Variants in DNAH5 observed in about 807,000 individuals in gnomAD.
The protein encoded by DNAH5 is axonemal beta dynein heavy chain 5.
A neutral mutation model predicts 518.2 loss-of-function variants in DNAH5; 372 were observed. That is an observed-to-expected ratio of 0.72 (90% CI 0.66 to 0.78). The LOEUF is 0.78. Among genes scored for constraint, DNAH5 ranks in the 30% least tolerant of loss-of-function variants. The pLI, the probability that DNAH5 is intolerant of heterozygous loss-of-function variation, is 0.00. For missense variants in DNAH5, 5,523 were observed against 5,687.0 expected (o/e 0.97, Z 0.93); for synonymous variants, 2,039 against 2,025.9 (o/e 1.01, Z -0.17).
Position 13,776,494 on chromosome 5 carries a change from A to G in DNAH5, c.9318T>C (p.Ile3106=). The G allele has an allele frequency of 6.2e-7, 1 of 1,613,852 alleles. No homozygotes were observed. Among genetic ancestry groups the G allele is most frequent in the Admixed American group, 1.7e-5 (1 of 59,990 alleles). Residue 3106 remains isoleucine, a synonymous_variant, in exon 55 of 79, where the codon ATT becomes ATC. Transcript: ENST00000265104. The part of the protein sequence containing the change: ...RNRALKFPAL[I]SGCTIDWFSR... The stretch of plus-strand genomic sequence containing the variant: ...TGAACCAGTCAATTGTGCATCCTGA[A>G]ATTAGGGCAGGGAACTTCAAAGCTC...
At position 13,707,080 on chromosome 5, in the gene DNAH5, T is replaced by G. The variant is rs1046284250; in HGVS notation, c.13338+1043A>C. ...CATAGCGGGCACACACACAAGTGGC[T>G]GGATGTTGAGAGGAGTAGAAGCGCA... On this transcript the variant is annotated intron_variant, in intron 76 of 78. Coordinates refer to ENST00000265104, the MANE Select transcript of DNAH5 (RefSeq NM_001369.3). The surrounding 1 kb of genome is among the most constrained non-coding windows in gnomAD (Gnocchi z 4.0). 6.6e-6 allele frequency among the ~76,000 whole-genome samples: 1 copy of G among 152,172 alleles called. No homozygotes were observed. The highest frequency in any genetic ancestry group is 1.5e-5 in the Non-Finnish European group (1 of 68,032).
chr5:13,804,506 G>A (rs1759269061), intron 47 of DNAH5, among the ~76,000 whole-genome samples: 2 of 152,220 alleles, frequency 1.3e-5, no homozygotes, highest in African/African-American at 4.8e-5. Flanking sequence ...ATGAATGACT[G>A]AAAATTACAG....
intron 2 of DNAH5, among the ~76,000 whole-genome samples, chr5:13,928,555 C>T: frequency 6.6e-6 from 1 of 152,176 alleles, no homozygotes; most frequent in East Asian, 1.9e-4. Context: ...CTTAGTCTAA[C>T]ACTCTAGAGA....
chr5:13,825,185 A>T (rs546240962), intron 38 of DNAH5, among the ~76,000 whole-genome samples: 28 of 152,090 alleles, frequency 1.8e-4, no homozygotes, highest in African/African-American at 6.7e-4. Context: ...CTACCAAAAA[A>T]TTACAAAAAT....
intron 47 of DNAH5, among the ~76,000 whole-genome samples, chr5:13,804,994 T>C (rs1759357141): frequency 6.6e-6 from 1 of 152,144 alleles, no homozygotes; most frequent in African/African-American, 2.4e-5. Context: ...CCTCATTGCA[T>C]AATAAAAGAT....
Position 13,708,338 on chromosome 5 carries a change from G to C in DNAH5, c.13126-3C>G. 1.2e-6 allele frequency: 2 copies of C among 1,613,604 alleles called. No homozygotes were observed. Among genetic ancestry groups the C allele is most frequent in the Non-Finnish European group, 1.7e-6 (2 of 1,179,854 alleles). On this transcript the variant is annotated splice_polypyrimidine_tract_variant and splice_region_variant and intron_variant, in intron 75 of 78. Transcript: ENST00000265104. ...ATCTTCTGCAGCCTCTCTTTTACCT[G>C]CCATGGAGACATTCAAAGCACATGT...
At chr5:13,979,784 T>C (rs1410368532) in intron 1 of DNAH5, among the ~76,000 whole-genome samples, 1 of 152,114 alleles carries the variant, frequency 6.6e-6, no homozygotes, top group East Asian at 1.9e-4. Flanking sequence ...GCAAAGTTTG[T>C]TTGGTTTTTT....
intron 44 of DNAH5, among the ~76,000 whole-genome samples, chr5:13,810,937 A>G (rs1326633391): frequency 6.6e-6 from 1 of 152,190 alleles, no homozygotes; most frequent in East Asian, 1.9e-4. Context: ...AACAACATGA[A>G]TGGAACTGGA....
At chr5:13,702,167 C>G (rs200129929) in intron 76 of DNAH5, among the ~76,000 whole-genome samples, 1 of 140,678 alleles carries the variant, frequency 7.1e-6, no homozygotes. Context: ...TCAGCAGCAG[C>G]AGTGTAAGGT....
Position 13,735,121 on chromosome 5 carries a change from T to C in DNAH5, c.11761+10A>G. ...CACCTGTGCGCTATAGTCTCTATTCTTATATTGACCTTTAATAAGAGTGAG... is the reference window on the plus strand; with the variant it reads ...CACCTGTGCGCTATAGTCTCTATTCCTATATTGACCTTTAATAAGAGTGAG... On this transcript the variant is annotated intron_variant, in intron 68 of 78. Transcript: ENST00000265104. 1.2e-6 allele frequency: 2 copies of C among 1,613,560 alleles called. No individual in the cohort carries two copies.
intron 1 of DNAH5, among the ~76,000 whole-genome samples, chr5:13,987,839 CAA>C (rs397939421): frequency 9.8e-5 from 10 of 101,950 alleles, no homozygotes; most frequent in East Asian, 2.8e-4. Flanking sequence ...GGGCAAGTCT[CAA>C]AAAAAAAAAA....
chr5:13,794,942 G>C (rs13355876), intron 47 of DNAH5, among the ~76,000 whole-genome samples: 2,420 of 152,322 alleles, frequency 0.016, 50 homozygotes, highest in African/African-American at 0.055. Context: ...ACTCCAGCCT[G>C]GGCGACAGAG....
At chr5:13,695,674 A>G (rs1264080002) in intron 78 of DNAH5, among the ~76,000 whole-genome samples, 1 of 152,192 alleles carries the variant, frequency 6.6e-6, no homozygotes. Context: ...CAAAATGAGG[A>G]TGACAAATTT....
Position 13,868,006 on chromosome 5 carries a change from G to T in DNAH5, c.3835-14C>A. 6.2e-7 allele frequency: 1 copy of T among 1,606,062 alleles called. No individual in the cohort carries two copies. On this transcript the variant is annotated splice_polypyrimidine_tract_variant and intron_variant, in intron 24 of 78. Transcript: ENST00000265104. ...GGCATAAGATTCCTAAAAAAAAATA[G>T]GAAAAACTTAATTTTGGCCAGTCAG...
intron 65 of DNAH5, among the ~76,000 whole-genome samples, chr5:13,738,953 G>A (rs1391600961): frequency 1.3e-5 from 2 of 152,130 alleles, no homozygotes; most frequent in African/African-American, 2.4e-5. Context: ...GTTTAACTGC[G>A]TTTATAATGT....
rs2127014131 is a variant in DNAH5, at chr5:13,810,141, G to A, written c.7527C>T (p.Arg2509=). Residue 2509 remains arginine, a synonymous_variant, in exon 45 of 79, where the codon CGC becomes CGT. Transcript: ENST00000265104. ...DGRRRLELWL[R]SRPTGTLELP... is the part of the protein sequence containing the mutation. Reference sequence around the variant, plus strand: ...GCTCCAGCGTCCCTGTGGGCCGAGAGCGCAGCCAGAGCTCCAGGCGGCGCC... The same window carrying A: ...GCTCCAGCGTCCCTGTGGGCCGAGAACGCAGCCAGAGCTCCAGGCGGCGCC... 2 of 1,549,166 alleles carry A rather than the reference G, an allele frequency of 1.3e-6. No homozygotes were observed.
At chr5:13,991,152 A>C (rs970053100) in intron 1 of DNAH5, among the ~76,000 whole-genome samples, 1 of 152,138 alleles carries the variant, frequency 6.6e-6, no homozygotes, top group Non-Finnish European at 1.5e-5. Flanking sequence ...TTTCTTTTTA[A>C]CTAGGTAAAA....
chr5:13,914,523 T>C lies in DNAH5; in HGVS notation c.1317A>G (p.Lys439=), dbSNP rs773382211. 1 of 1,612,916 alleles carries C rather than the reference T, an allele frequency of 6.2e-7. No homozygotes were observed. Among genetic ancestry groups the C allele is most frequent in the Non-Finnish European group, 8.5e-7 (1 of 1,179,282 alleles). The change falls in exon 10 of 79, where the codon AAA becomes AAG. Residue 439 remains lysine, a synonymous_variant. Coordinates refer to ENST00000265104, the MANE Select transcript of DNAH5 (RefSeq NM_001369.3). ...TAAATACTAAACTGACCATTACCTG[T>C]TTCAGTTTAATCGCAGATAGTATTT... is the stretch of plus-strand genomic sequence containing the variant. The part of the protein sequence containing the change: ...EEKILSAIKL[K]QEYQLCFHKT...
At position 13,955,021 on chromosome 5, in the gene DNAH5, G is replaced by A. The variant is rs983720338; in HGVS notation, c.13-23777C>T. Among the ~76,000 whole-genome samples the A allele has an allele frequency of 2.0e-5, 3 of 152,172 alleles. No individual in the cohort carries two copies. The South Asian group carries it at 6.2e-4, about 32-fold the overall frequency. On this transcript the variant is annotated intron_variant, in intron 1 of 78. Coordinates refer to the DNAH5 transcript ENST00000681290. Reference sequence around the variant, plus strand: ...GCGAAGTCAAAGGCAGACTGATATGGTTTGGCTCTCTGTCCCCACCCAAAT... The same window carrying A: ...GCGAAGTCAAAGGCAGACTGATATGATTTGGCTCTCTGTCCCCACCCAAAT...
Sources: gnomAD v4.1 joint callset for allele counts (sites outside exome capture counted in the v4.1 genomes callset) on GRCh38, gnomAD v4.1.1 for gene constraint, Gnocchi (gnomAD v3.1) non-coding constraint, MANE v1.5 for transcripts, NCBI Gene and HGNC (gene_info 2026-07-23, HGNC 2026-07-21) for gene names.